The following B3GALT2 variants were observed in gnomAD, a reference collection of about 807,000 sequenced individuals.
B3GALT2 encodes the protein beta-1,3-galactosyltransferase 2.
Under a neutral mutation model 33.5 loss-of-function variants are expected in B3GALT2, and 13 were observed. That is an observed-to-expected ratio of 0.39 (90% CI 0.25 to 0.62). The LOEUF (loss-of-function observed/expected upper bound fraction) is 0.62. Ranked by LOEUF, B3GALT2 falls within the 20% of genes least tolerant of loss-of-function variation. The pLI, the probability that B3GALT2 is intolerant of heterozygous loss-of-function variation, is 0.53. For missense variants in B3GALT2, 418 were observed against 509.1 expected (o/e 0.82, Z 1.72); for synonymous variants, 195 against 172.7 (o/e 1.13, Z -1.01).
At position 193,181,638 on chromosome 1, in the gene B3GALT2, G is replaced by C; in HGVS notation, c.-76C>G. On this transcript the variant is annotated 5_prime_UTR_variant, in exon 2 of 2. Transcript: ENST00000367434. ...TTCTTCTCCTTAATACTATTCTTTGGCAATCATTTTCTAATTCAGTCACAT... is the reference window on the plus strand; with the variant it reads ...TTCTTCTCCTTAATACTATTCTTTGCCAATCATTTTCTAATTCAGTCACAT... 2 of 1,307,854 alleles carry C rather than the reference G, an allele frequency of 1.5e-6. No homozygotes were observed. Among genetic ancestry groups the C allele is most frequent in the Non-Finnish European group, 2.1e-6 (2 of 950,778 alleles). 81.0% of individuals were successfully genotyped at this position (1,307,854 alleles called of 1,614,324 possible).
rs1254811821 is a variant in B3GALT2, at chr1:193,186,250, TTC to T, written c.-354_-353del. The T allele has an allele frequency of 6.6e-6, 1 of 152,618 alleles. No homozygotes were observed. The highest frequency in any genetic ancestry group is 1.5e-5 in the Non-Finnish European group (1 of 68,050). 9.5% of individuals were successfully genotyped at this position (152,618 alleles called of 1,614,324 possible). Reference sequence around the variant, plus strand: ...TCTGAAATTTTCCCTTTCTTTCATTTTCTCTCTTTCGTTAAACAAAAGAGCTG... The same window carrying T: ...TCTGAAATTTTCCCTTTCTTTCATTTTCTCTTTCGTTAAACAAAAGAGCTG... On this transcript the variant is annotated 5_prime_UTR_variant, in exon 1 of 2. Transcript: ENST00000367434.
intron 1 of B3GALT2, among the ~76,000 whole-genome samples, chr1:193,184,870 T>A (rs1018962116): frequency 2.6e-5 from 4 of 151,998 alleles, no homozygotes; most frequent in Non-Finnish European, 5.9e-5. Context: ...TACATATTTT[T>A]AAAAAATGTT....
intron 1 of B3GALT2, among the ~76,000 whole-genome samples, chr1:193,182,741 T>C (rs1310475906): frequency 6.6e-6 from 1 of 152,118 alleles, no homozygotes; most frequent in Admixed American, 6.6e-5. Flanking sequence ...CACAGATTTG[T>C]TCACATTTGT....
In B3GALT2 at chr1:193,181,478, C is replaced by T. The variant is rs1676715375; in HGVS notation, c.85G>A (p.Gly29Arg). The change falls in exon 2 of 2, where the codon GGA (glycine) becomes AGA (arginine). Residue 29 changes from glycine (G) to arginine (R), a missense_variant. Gly to Arg is a moderately radical substitution (Grantham distance 125, BLOSUM62 -2). Coordinates refer to ENST00000367434, the MANE Select transcript of B3GALT2 (RefSeq NM_003783.3). ...AAAAGAAACACTAGAGAAAGTACTC[C>T]AATAAGATGAGTGCGGAACAGAGAC... ...KRSLFRTHLIGVLSLVFLFAM... is the reference protein window; with the variant it reads ...KRSLFRTHLIRVLSLVFLFAM... 1 of 1,613,940 alleles carries T rather than the reference C, an allele frequency of 6.2e-7. No individual in the cohort carries two copies.
chr1:193,181,846 T>A (rs187364519), intron 1 of B3GALT2, among the ~76,000 whole-genome samples, 164 bp from the exon 2 acceptor site: 3 of 152,178 alleles, frequency 2.0e-5, no homozygotes, highest in Admixed American at 2.0e-4. Context: ...AGAACAAGAT[T>A]AATTTATTTA....
intron 1 of B3GALT2, among the ~76,000 whole-genome samples, chr1:193,183,603 C>T (rs1032490421): frequency 3.3e-5 from 5 of 151,010 alleles, no homozygotes; most frequent in African/African-American, 1.2e-4. Context: ...AATAGCTGGC[C>T]ATTCTTTTTA....
intron 1 of B3GALT2, among the ~76,000 whole-genome samples, chr1:193,183,497 T>A (rs1676754228): frequency 6.6e-6 from 1 of 150,630 alleles, no homozygotes; most frequent in Non-Finnish European, 1.5e-5. Flanking sequence ...CTATTCACTG[T>A]ACCAACAAAA....
chr1:193,181,598 G>C lies in B3GALT2; in HGVS notation c.-36C>G. On this transcript the variant is annotated 5_prime_UTR_variant, in exon 2 of 2. Coordinates refer to ENST00000367434, the MANE Select transcript of B3GALT2 (RefSeq NM_003783.3). ...TCCAGTAGTGGTATATGAGAGATTG[G>C]TGACCAAAAATGTTTTCTTCTCCTT... 1 of 1,516,054 alleles carries C rather than the reference G, an allele frequency of 6.6e-7. No individual in the cohort carries two copies. The highest frequency in any genetic ancestry group is 1.4e-5 in the African/African-American group (1 of 71,560). 93.9% of individuals were successfully genotyped at this position (1,516,054 alleles called of 1,614,324 possible).
Position 193,181,083 on chromosome 1 carries a change from C to T in B3GALT2, c.480G>A (p.Glu160=). ...CTCTTCTAGCTTCTATTTGTCCAGG[C>T]TCTGCAGCTATTAGTAGTATTAAAA... The part of the protein sequence containing the change: ...SPFLILLIAA[E]PGQIEARRAI... Residue 160 remains glutamate, a synonymous_variant, in exon 2 of 2, where the codon GAG becomes GAA. Transcript: ENST00000367434. The T allele has an allele frequency of 3.7e-6, 6 of 1,614,030 alleles. No individual in the cohort carries two copies. Among genetic ancestry groups the T allele is most frequent in the Non-Finnish European group, 5.1e-6 (6 of 1,179,960 alleles).
Position 193,179,560 on chromosome 1 carries a change from C to G in B3GALT2, c.*734G>C, listed in dbSNP as rs1459306949. The G allele has an allele frequency of 1.3e-5, 2 of 152,456 alleles. No individual in the cohort carries two copies. Among genetic ancestry groups the G allele is most frequent in the African/African-American group, 4.8e-5 (2 of 41,396 alleles). 9.4% of individuals were successfully genotyped at this position (152,456 alleles called of 1,614,324 possible). On this transcript the variant is annotated 3_prime_UTR_variant, in exon 2 of 2. Coordinates refer to ENST00000367434, the MANE Select transcript of B3GALT2 (RefSeq NM_003783.3). ...TTGGTTCTTAACATCAATGAGGAAA[C>G]AAAACTTGTCTATTTTGAAACATTT... is the stretch of plus-strand genomic sequence containing the variant.
At chr1:193,184,622 G>C (rs1249181539) in intron 1 of B3GALT2, among the ~76,000 whole-genome samples, 1 of 151,602 alleles carries the variant, frequency 6.6e-6, no homozygotes, top group Admixed American at 6.6e-5. Flanking sequence ...GTTGGTGATG[G>C]TTTAATAGAA....
rs115629656 is a variant in B3GALT2, at chr1:193,184,557, A to G, written c.-121+1462T>C. On this transcript the variant is annotated intron_variant, in intron 1 of 1. Coordinates refer to ENST00000367434, the MANE Select transcript of B3GALT2 (RefSeq NM_003783.3). Reference sequence around the variant, plus strand: ...AGAATGTTACTGTAAAATGCTGTTCAGTACACACTCAGTTTTTATCATTTG... The same window carrying G: ...AGAATGTTACTGTAAAATGCTGTTCGGTACACACTCAGTTTTTATCATTTG... Among the ~76,000 whole-genome samples, 1,440 of 152,044 alleles carry G rather than the reference A, an allele frequency of 9.5e-3. 15 individuals are homozygous for G. The highest frequency in any genetic ancestry group is 0.034 in the South Asian group (163 of 4,826).
In B3GALT2 at chr1:193,185,464, C is replaced by T. The variant is rs944770410; in HGVS notation, c.-121+555G>A. Among the ~76,000 whole-genome samples the T allele has an allele frequency of 2.6e-5, 4 of 151,794 alleles. No individual in the cohort carries two copies. The East Asian group carries it at 7.7e-4, about 29-fold the overall frequency. Reference sequence around the variant, plus strand: ...GTAATATTTAAAATTTGTTGATACTCTCTTTGGTTGTGTTCATTATCTTCA... The same window carrying T: ...GTAATATTTAAAATTTGTTGATACTTTCTTTGGTTGTGTTCATTATCTTCA... On this transcript the variant is annotated intron_variant, in intron 1 of 1. Transcript: ENST00000367434.
At chr1:193,185,536 A>G in intron 1 of B3GALT2, among the ~76,000 whole-genome samples, 1 of 152,194 alleles carries the variant, frequency 6.6e-6, no homozygotes, top group Non-Finnish European at 1.5e-5. Flanking sequence ...GCTGTTACAT[A>G]TTAAGGTTTT....
In B3GALT2 at chr1:193,180,933, T is replaced by C. The variant is rs777344801; in HGVS notation, c.630A>G (p.Arg210=). 5 of 1,613,696 alleles carry C rather than the reference T, an allele frequency of 3.1e-6. No homozygotes were observed. The highest frequency in any genetic ancestry group is 4.5e-5 in the East Asian group (2 of 44,874). Residue 210 remains arginine (R), a synonymous_variant, in exon 2 of 2, where the codon AGA becomes AGG. Coordinates refer to ENST00000367434, the MANE Select transcript of B3GALT2 (RefSeq NM_003783.3). ...CCTGTTGAATTATATCATGATATTG[T>C]CTGCTTTCTTCCAGTATTGCACGTT... ...YLQRAILEES[R]QYHDIIQQEY... is the part of the protein sequence containing the mutation.
Position 193,180,150 on chromosome 1 carries a change from T to G in B3GALT2, c.*144A>C. 1.4e-6 allele frequency: 1 copy of G among 713,874 alleles called. No individual in the cohort carries two copies. 44.2% of individuals were successfully genotyped at this position (713,874 alleles called of 1,614,324 possible). A position where few individuals can be genotyped will look rare whatever the true frequency, so the allele number is the denominator to read the frequency against. ...AATGTTATAGTTTTAAGAATTAACTTCTTCAGAAATTAAAAAAATACTTCT... is the reference window on the plus strand; with the variant it reads ...AATGTTATAGTTTTAAGAATTAACTGCTTCAGAAATTAAAAAAATACTTCT... On this transcript the variant is annotated 3_prime_UTR_variant, in exon 2 of 2. Transcript: ENST00000367434.
chr1:193,183,190 A>T (rs994576312), intron 1 of B3GALT2, among the ~76,000 whole-genome samples: 20 of 151,700 alleles, frequency 1.3e-4, no homozygotes, highest in Non-Finnish European at 2.5e-4. Context: ...TGTTAGATGT[A>T]AATGAATGAA....
In B3GALT2 at chr1:193,179,738, T is replaced by C. The variant is rs1162254203; in HGVS notation, c.*556A>G. 2.6e-5 allele frequency: 4 copies of C among 152,690 alleles called. No homozygotes were observed. The highest frequency in any genetic ancestry group is 4.1e-4 in the South Asian group (2 of 4,826). The allele number at this position is 152,690 out of a possible 1,614,324, so 9.5% of individuals were successfully genotyped here. A position where few individuals can be genotyped will look rare whatever the true frequency, so the allele number is the denominator to read the frequency against. On this transcript the variant is annotated 3_prime_UTR_variant, in exon 2 of 2. Transcript: ENST00000367434. ...AGTTATTTTTAAAAAGTAAATACTT[T>C]CGTGAGAACTGCATTGATGAAACAT...
intron 1 of B3GALT2, 22 bp from the exon 2 acceptor site, chr1:193,181,704 GT>G: frequency 1.3e-6 from 1 of 795,936 alleles, no homozygotes; most frequent in Non-Finnish European, 1.9e-6. Flanking sequence ...AAGCACAAAA[GT>G]TTACAGAACT....
Sources: gnomAD v4.1 joint callset for allele counts (sites outside exome capture counted in the v4.1 genomes callset) on GRCh38, gnomAD v4.1.1 for gene constraint, MANE v1.5 for transcripts, NCBI Gene and HGNC (gene_info 2026-07-23, HGNC 2026-07-21) for gene names.